The following TRPM2 variants were observed in gnomAD, a reference collection of about 807,000 sequenced individuals.
The protein encoded by TRPM2 is estrogen-responsive element-associated gene 1 protein.
Under a neutral mutation model 174.0 loss-of-function variants are expected in TRPM2, and 161 were observed. The ratio of observed to expected loss-of-function variants is 0.93; its 90% CI spans 0.81 to 1.05. The LOEUF (loss-of-function observed/expected upper bound fraction) is 1.05. TRPM2 is among the 50% of genes least tolerant of loss of function. TRPM2 has a pLI of 0.00. For synonymous variants in TRPM2, 954 were observed against 861.3 expected (o/e 1.11, Z -1.88); for missense variants, 2,057 against 2,038.0 (o/e 1.01, Z -0.18).
Position 44,414,127 on chromosome 21 carries a change from GGGCCGCAGT to G in TRPM2, c.3146+58_3146+66del, listed in dbSNP as rs2050197951. On this transcript the variant is annotated intron_variant, in intron 20 of 31. Coordinates refer to ENST00000397928, the MANE Select transcript of TRPM2 (RefSeq NM_003307.4). Reference sequence around the variant, plus strand: ...AGGTGGGTGGGTGGGCGGCGTTCCTGGGCCGCAGTGGCCATGCTGTCTCCAGGGTCTCGT... The same window carrying G: ...AGGTGGGTGGGTGGGCGGCGTTCCTGGGCCATGCTGTCTCCAGGGTCTCGT... The G allele has an allele frequency of 6.3e-6, 10 of 1,579,210 alleles. No individual in the cohort carries two copies. The Admixed American group carries it at 1.7e-4, about 27-fold the overall frequency.
At chr21:44,365,674 C>A (rs909620274) in intron 3 of TRPM2, among the ~76,000 whole-genome samples, 2 of 152,192 alleles carry the variant, frequency 1.3e-5, no homozygotes, top group African/African-American at 4.8e-5. Flanking sequence ...CTCCCCCAAC[C>A]CCCCGGCTTC....
intron 6 of TRPM2, 83 bp from the exon 7 acceptor site, chr21:44,377,629 C>G: frequency 6.3e-7 from 1 of 1,578,452 alleles, no homozygotes; most frequent in Non-Finnish European, 8.7e-7. Flanking sequence ...TCACTCGGCT[C>G]CATGCTTTGT....
At position 44,406,691 on chromosome 21, in the gene TRPM2, T is replaced by G; in HGVS notation, c.2888T>G (p.Val963Gly). 5 of 1,609,948 alleles carry G rather than the reference T, an allele frequency of 3.1e-6. No individual in the cohort carries two copies. Among genetic ancestry groups the G allele is most frequent in the Non-Finnish European group, 4.2e-6 (5 of 1,179,338 alleles). Residue 963 changes from valine to glycine, a missense_variant, in exon 19 of 32, where the codon GTG becomes GGG. By Grantham distance (109) the Val-to-Gly change is moderately radical. Coordinates refer to ENST00000397928, the MANE Select transcript of TRPM2 (RefSeq NM_003307.4). Reference protein sequence around the residue: ...QAILIHNERRVDWLFRGAVYH... With the variant: ...QAILIHNERRGDWLFRGAVYH... ...ATCCTCATCCACAACGAGCGCCGGGTGGACTGGCTGTTCCGAGGGGCCGTC... is the reference window on the plus strand; with the variant it reads ...ATCCTCATCCACAACGAGCGCCGGGGGGACTGGCTGTTCCGAGGGGCCGTC...
In TRPM2 at chr21:44,381,772, TG is replaced by T. The variant is rs752884796; in HGVS notation, c.1216-944del. On this transcript the variant is annotated intron_variant, in intron 8 of 31. Transcript: ENST00000397928. ...AAATACAAACATTATCCAGGCATGG[TG>T]GTGGGTGCCTGTAATCCCAGCTACT... Among the ~76,000 whole-genome samples the T allele has an allele frequency of 5.3e-5, 8 of 151,926 alleles. No homozygotes were observed. In the East Asian group the frequency reaches 1.5e-3, roughly 29 times the overall value.
chr21:44,378,869 C>A, intron 7 of TRPM2, 128 bp from the exon 8 acceptor site: 1 of 1,019,662 alleles, frequency 9.8e-7, no homozygotes, highest in Non-Finnish European at 1.4e-6. Context: ...CTAATAAGTG[C>A]TTTCAGTGGA....
chr21:44,368,678 C>A (rs555102252), intron 4 of TRPM2, among the ~76,000 whole-genome samples: 2 of 146,164 alleles, frequency 1.4e-5, no homozygotes, highest in African/African-American at 5.1e-5. Context: ...GTGATCTGCC[C>A]GCCTCGGCCT....
chr21:44,421,044 G>C (rs1363763325), intron 22 of TRPM2, among the ~76,000 whole-genome samples: 3 of 152,214 alleles, frequency 2.0e-5, no homozygotes, highest in Non-Finnish European at 4.4e-5. Flanking sequence ...CCCAGGCCGG[G>C]CGCGGTGGCT....
intron 15 of TRPM2, among the ~76,000 whole-genome samples, chr21:44,400,693 G>T (rs1331844322): frequency 1.3e-5 from 2 of 152,266 alleles, no homozygotes; most frequent in Non-Finnish European, 2.9e-5. Context: ...GAGCCAGTCT[G>T]CGGCGTGGGC....
intron 9 of TRPM2, among the ~76,000 whole-genome samples, chr21:44,388,533 G>A (rs540467894): frequency 2.6e-5 from 4 of 151,454 alleles, no homozygotes; most frequent in South Asian, 2.1e-4. Context: ...TGAACTGTAC[G>A]CTTAAAAATA....
chr21:44,405,686 A>C (rs1451863739), intron 17 of TRPM2, among the ~76,000 whole-genome samples: 1 of 152,048 alleles, frequency 6.6e-6, no homozygotes, highest in Non-Finnish European at 1.5e-5. Context: ...AGGTGCCCCC[A>C]TGCCAGGCTG....
At chr21:44,377,402 GC>G (rs1419503443) in intron 6 of TRPM2, among the ~76,000 whole-genome samples, 1 of 152,204 alleles carries the variant, frequency 6.6e-6, no homozygotes, top group Admixed American at 6.5e-5. Flanking sequence ...TGGGAAGCAA[GC>G]GAGCGGGGAA....
chr21:44,404,878 G>A (rs1238418030), intron 16 of TRPM2, among the ~76,000 whole-genome samples: 1 of 130,864 alleles, frequency 7.6e-6, no homozygotes, highest in African/African-American at 2.5e-5. Flanking sequence ...TGTGATGATA[G>A]TGGATAGTGA....
At position 44,423,883 on chromosome 21, in the gene TRPM2, G is replaced by A. The variant is rs527289405; in HGVS notation, c.3549+151G>A. 1.4e-3 allele frequency: 1,012 copies of A among 703,278 alleles called. 8 individuals are homozygous for A. In the African/African-American group the frequency reaches 0.015, roughly 10 times the overall value. The allele number at this position is 703,278 out of a possible 1,614,324, so 43.6% of individuals were successfully genotyped here. A position where few individuals can be genotyped will look rare whatever the true frequency, so the allele number is the denominator to read the frequency against. On this transcript the variant is annotated intron_variant, in intron 23 of 31. Coordinates refer to ENST00000397928, the MANE Select transcript of TRPM2 (RefSeq NM_003307.4). ...GGGGCAGCCATTCCCAGCTGGAAGA[G>A]GCACCCTGTGTGTCCTCCAGAAAAC...
chr21:44,394,344 G>T (rs557045271), intron 11 of TRPM2, among the ~76,000 whole-genome samples: 10 of 134,324 alleles, frequency 7.4e-5, no homozygotes, highest in East Asian at 2.2e-4. Context: ...TTTTGAGATG[G>T]AGTCTTGCTC....
Position 44,437,099 on chromosome 21 carries a change from A to G in TRPM2, c.4099A>G (p.Ser1367Gly). 1 of 1,551,254 alleles carries G rather than the reference A, an allele frequency of 6.4e-7. No individual in the cohort carries two copies. Among genetic ancestry groups the G allele is most frequent in the East Asian group, 2.4e-5 (1 of 40,886 alleles). Residue 1367 changes from serine (S) to glycine (G), a missense_variant, in exon 29 of 32, where the codon AGC (serine) becomes GGC (glycine). Physicochemically the swap from Ser to Gly is moderately conservative, Grantham distance 56. Coordinates refer to ENST00000397928, the MANE Select transcript of TRPM2 (RefSeq NM_003307.4). ...CGAGGATGGAGCCATCTGCAGGAAG[A>G]GCATAAAGAAGATGCTGGAAGTGCT... is the stretch of plus-strand genomic sequence containing the variant. Reference protein sequence around the residue: ...RNEDGAICRKSIKKMLEVLVV... With the variant: ...RNEDGAICRKGIKKMLEVLVV...
chr21:44,392,653 C>A (rs915130947), intron 11 of TRPM2, among the ~76,000 whole-genome samples: 1 of 152,060 alleles, frequency 6.6e-6, no homozygotes, highest in African/African-American at 2.4e-5. Context: ...TTCTTAAAGG[C>A]CCTATCTCCA....
intron 27 of TRPM2, 95 bp from the exon 28 acceptor site, chr21:44,435,036 C>T (rs1299226341): frequency 7.9e-7 from 1 of 1,260,036 alleles, no homozygotes; most frequent in Non-Finnish European, 1.1e-6. Context: ...TGCGCCGGCT[C>T]CTGACGCCCG....
intron 2 of TRPM2, among the ~76,000 whole-genome samples, chr21:44,355,791 A>G (rs569306606): frequency 1.3e-5 from 2 of 151,850 alleles, no homozygotes; most frequent in Admixed American, 6.6e-5. Flanking sequence ...TACTCGGTAC[A>G]TCATCAGAGT....
rs2048370090 is a variant in TRPM2 at position 44,366,644 on chromosome 21, G to A, written c.424-110G>A. The A allele has an allele frequency of 1.4e-6, 2 of 1,454,908 alleles. No homozygotes were observed. The highest frequency in any genetic ancestry group is 2.3e-5 in the East Asian group (1 of 42,812). The allele number at this position is 1,454,908 out of a possible 1,614,324, so 90.1% of individuals were successfully genotyped here. On this transcript the variant is annotated intron_variant, in intron 3 of 31. Transcript: ENST00000397928. The surrounding 1 kb of genome is among the most constrained non-coding windows in gnomAD (Gnocchi z 6.0). ...CCTTTTCTGGGTCTGAGCCGGAAAG[G>A]TGTGCGGTGTCTGCCGCCCGCTGGG...
Sources: gnomAD v4.1 joint callset for allele counts (sites outside exome capture counted in the v4.1 genomes callset) on GRCh38, gnomAD v4.1.1 for gene constraint, Gnocchi (gnomAD v3.1) non-coding constraint, MANE v1.5 for transcripts, NCBI Gene and HGNC (gene_info 2026-07-23, HGNC 2026-07-21) for gene names.